The following TMC2 variants were observed in gnomAD, a reference collection of about 807,000 sequenced individuals.
TMC2 encodes transmembrane channel like 2, also known as transmembrane channel-like protein 2.
TMC2 carries 102 observed loss-of-function variants against 105.9 expected under a neutral mutation model. The observed-to-expected ratio is 0.96, with a 90% CI of 0.82 to 1.14. TMC2 has a LOEUF of 1.14. Among genes scored for constraint, TMC2 ranks in the 50% most tolerant of loss-of-function variants. The probability of loss-of-function intolerance (pLI) is 0.00; values close to 1 mark genes in which losing one functional copy is unlikely to be tolerated. For missense variants in TMC2, 1,093 were observed against 1,134.3 expected (o/e 0.96, Z 0.52); for synonymous variants, 402 against 422.8 (o/e 0.95, Z 0.60).
intron 2 of TMC2, among the ~76,000 whole-genome samples, chr20:2,541,554 T>C (rs2085889790): frequency 2.7e-5 from 4 of 150,694 alleles, no homozygotes; most frequent in Admixed American, 2.6e-4. Context: ...GGCACAAGAA[T>C]CTCTTGAATC....
intron 11 of TMC2, among the ~76,000 whole-genome samples, chr20:2,603,714 C>T (rs554849277): frequency 1.3e-5 from 2 of 152,254 alleles, no homozygotes; most frequent in Non-Finnish European, 2.9e-5. Flanking sequence ...CCCCCAAGAC[C>T]AATTTTAAGT....
Position 2,558,564 on chromosome 20 carries a change from C to G in TMC2, c.191C>G (p.Pro64Arg). The part of the protein sequence containing the change: ...RSQKERAGGS[P>R]SPGSPRRKQT... ...CAGAAGGAGCGCGCCGGGGGCAGCC[C>G]AAGCCCGGGGTCTCCCCGGAGGAAG... Residue 64 changes from proline (P) to arginine (R), a missense_variant, in exon 3 of 20, where the codon CCA becomes CGA. By Grantham distance (103) the Pro-to-Arg change is moderately radical. Transcript: ENST00000358864. This position sits in a 1 kb window ranked among gnomAD's most constrained non-coding sequence, Gnocchi z 4.6. 6.4e-7 allele frequency: 1 copy of G among 1,553,034 alleles called. No individual in the cohort carries two copies. Among genetic ancestry groups the G allele is most frequent in the East Asian group, 2.4e-5 (1 of 41,088 alleles).
intron 11 of TMC2, among the ~76,000 whole-genome samples, chr20:2,608,131 A>AG (rs1555775750): frequency 6.8e-6 from 1 of 147,556 alleles, no homozygotes; most frequent in East Asian, 1.9e-4. Context: ...TTAAAAAAAA[A>AG]AAAAAGAAAA....
intron 16 of TMC2, among the ~76,000 whole-genome samples, chr20:2,621,563 C>G (rs1421959022): frequency 7.1e-6 from 1 of 140,616 alleles, no homozygotes; most frequent in Non-Finnish European, 1.6e-5. Flanking sequence ...CAGCTACTCG[C>G]AAGGCTGAGG....
intron 4 of TMC2, among the ~76,000 whole-genome samples, chr20:2,567,634 C>A (rs1328622353): frequency 6.6e-6 from 1 of 152,030 alleles, no homozygotes; most frequent in Non-Finnish European, 1.5e-5. Flanking sequence ...TTGGCTCAAG[C>A]AATCCTCCCA....
intron 16 of TMC2, among the ~76,000 whole-genome samples, chr20:2,620,435 G>C (rs191408704): frequency 1.3e-5 from 2 of 152,332 alleles, no homozygotes; most frequent in African/African-American, 4.8e-5. Flanking sequence ...CTGACTAATC[G>C]TGTGACTAAT....
chr20:2,541,500 G>A (rs1233927925), intron 2 of TMC2, among the ~76,000 whole-genome samples: 2 of 152,112 alleles, frequency 1.3e-5, no homozygotes, highest in South Asian at 2.1e-4. Flanking sequence ...AATTAGGCAG[G>A]TGTGGTGGCA....
chr20:2,617,506 A>C, intron 16 of TMC2, 195 bp downstream of exon 16: 1 of 683,832 alleles, frequency 1.5e-6, no homozygotes, highest in East Asian at 2.8e-5. Context: ...TGCGCTGTTC[A>C]TTTCAGTAGC....
chr20:2,563,269 C>T (rs1347100557), intron 4 of TMC2, among the ~76,000 whole-genome samples: 1 of 152,184 alleles, frequency 6.6e-6, no homozygotes, highest in African/African-American at 2.4e-5. Flanking sequence ...GGGCCGACCC[C>T]GACAAGGAAA....
At chr20:2,569,558 G>T (rs963237595) in intron 4 of TMC2, among the ~76,000 whole-genome samples, 9 of 152,242 alleles carry the variant, frequency 5.9e-5, no homozygotes, top group African/African-American at 2.2e-4. Context: ...ACTTAACGAT[G>T]TTTTCAACTT....
At position 2,641,285 on chromosome 20, in the gene TMC2, C is replaced by T. The variant is rs146045289; in HGVS notation, c.2655C>T (p.His885=). ...RPPGIGPDSG[H]APSQTHPWRS... is the part of the protein sequence containing the mutation. ...CTGGAATCGGACCAGATTCTGGCCA[C>T]GCCCCATCTCAGACTCATCCGTGGA... Residue 885 remains histidine, a synonymous_variant, in exon 20 of 20, where the codon CAC becomes CAT. Transcript: ENST00000358864. 51 of 1,614,012 alleles carry T rather than the reference C, an allele frequency of 3.2e-5. No individual in the cohort carries two copies. Among genetic ancestry groups the T allele is most frequent in the African/African-American group, 1.5e-4 (11 of 74,922 alleles).
chr20:2,595,062 C>T, intron 9 of TMC2, 95 bp downstream of exon 9: 1 of 1,396,260 alleles, frequency 7.2e-7, no homozygotes, highest in African/African-American at 1.4e-5. Context: ...GTGGGGCATT[C>T]AGAGAGAAAA....
intron 4 of TMC2, 105 bp downstream of exon 4, chr20:2,562,115 G>A: frequency 7.2e-7 from 1 of 1,381,672 alleles, no homozygotes; most frequent in Non-Finnish European, 9.7e-7. Flanking sequence ...TGATGTGAGG[G>A]GGCTGCTCCA....
intron 7 of TMC2, among the ~76,000 whole-genome samples, chr20:2,589,882 G>A (rs879363422): frequency 3.3e-5 from 5 of 152,270 alleles, no homozygotes. Context: ...TGTTAGCCAG[G>A]ATGGTCTCGA....
At chr20:2,586,758 C>T (rs1471784715) in intron 7 of TMC2, among the ~76,000 whole-genome samples, 1 of 151,836 alleles carries the variant, frequency 6.6e-6, no homozygotes, top group Admixed American at 6.6e-5. Context: ...CACTGGGAAT[C>T]ACATTTCAAC....
chr20:2,640,672 C>T (rs1045815535), intron 19 of TMC2, among the ~76,000 whole-genome samples: 1 of 152,136 alleles, frequency 6.6e-6, no homozygotes, highest in African/African-American at 2.4e-5. Context: ...TGTCCCAGAA[C>T]AAGAGGGACT....
intron 4 of TMC2, among the ~76,000 whole-genome samples, chr20:2,568,661 G>A (rs1321547273): frequency 6.6e-6 from 1 of 152,192 alleles, no homozygotes; most frequent in Non-Finnish European, 1.5e-5. Context: ...TAAAATACAG[G>A]AAGAAGACAA....
intron 2 of TMC2, 31 bp downstream of exon 2, chr20:2,537,347 C>T (rs757947550): frequency 1.1e-5 from 17 of 1,566,952 alleles, no homozygotes; most frequent in Middle Eastern, 3.3e-4. Context: ...CTCTGGGGAG[C>T]CTGCAGTGCC....
intron 10 of TMC2, 81 bp from the exon 11 acceptor site, chr20:2,602,032 T>C (rs2086355082): frequency 3.3e-6 from 3 of 898,318 alleles, no homozygotes; most frequent in Admixed American, 5.0e-5. Context: ...ATATAGAAAG[T>C]ACTATTTTCA....
Sources: gnomAD v4.1 joint callset for allele counts (sites outside exome capture counted in the v4.1 genomes callset) on GRCh38, gnomAD v4.1.1 for gene constraint, Gnocchi (gnomAD v3.1) non-coding constraint, MANE v1.5 for transcripts, NCBI Gene and HGNC (gene_info 2026-07-23, HGNC 2026-07-21) for gene names.